The following ZNF10 variants were observed in gnomAD, a reference collection of about 807,000 sequenced individuals.
The protein encoded by ZNF10 is zinc finger protein 10 (KOX 1).
In ZNF10, 8 loss-of-function variants were observed where a neutral mutation model predicts 12.2. That is an observed-to-expected ratio of 0.66 (90% CI 0.39 to 1.18). The LOEUF (loss-of-function observed/expected upper bound fraction) is 1.18. ZNF10 is among the 50% of genes most tolerant of loss of function. The pLI is 0.01. For synonymous variants in ZNF10, 229 were observed against 228.2 expected, an observed-to-expected ratio of 1.00 and a Z score of -0.03; for missense variants, 603 against 678.9, an observed-to-expected ratio of 0.89 and a Z score of 1.24.
Position 133,156,893 on chromosome 12 carries a change from A to G in ZNF10, c.1647A>G (p.Gln549=), listed in dbSNP as rs377421116. The change falls in exon 5 of 5, where the codon CAA becomes CAG. Residue 549 remains glutamine (Q), a synonymous_variant. Transcript: ENST00000248211. ...GAGAGCAGTTCTTAACATGCAATCA[A>G]TGTGGGACAGCGCTTGTTAATACCT... ...HTGEQFLTCN[Q]CGTALVNTSN... 1.3e-4 allele frequency: 196 copies of G among 1,515,058 alleles called. No individual in the cohort carries two copies. The highest frequency in any genetic ancestry group is 3.0e-4 in the South Asian group (22 of 73,764). The allele number at this position is 1,515,058 out of a possible 1,614,324, so 93.9% of individuals were successfully genotyped here.
At chr12:133,136,044 T>G (rs564312075) in intron 1 of ZNF10, among the ~76,000 whole-genome samples, 1 of 152,244 alleles carries the variant, frequency 6.6e-6, no homozygotes, top group Non-Finnish European at 1.5e-5. Flanking sequence ...AGCCTTGCTT[T>G]CTTTTTTGAC....
chr12:133,156,039 T>A lies in ZNF10; in HGVS notation c.793T>A (p.Tyr265Asn), dbSNP rs1407156653. 2 of 1,613,528 alleles carry A rather than the reference T, an allele frequency of 1.2e-6. No homozygotes were observed. The highest frequency in any genetic ancestry group is 1.7e-6 in the Non-Finnish European group (2 of 1,179,984). Residue 265 changes from tyrosine to asparagine, a missense_variant, in exon 5 of 5, where the codon TAT becomes AAT. Tyr to Asn is a moderately radical substitution (Grantham distance 143, BLOSUM62 -2). Transcript: ENST00000248211. ...AAAGGGCATACATAGAGAGAAACCC[T>A]ATGAATGTAAGGAATGTGGAAAATT... is the stretch of plus-strand genomic sequence containing the variant. ...ISKGIHREKP[Y>N]ECKECGKFFS... is the part of the protein sequence containing the mutation.
chr12:133,142,000 A>C (rs746555077), intron 1 of ZNF10, among the ~76,000 whole-genome samples: 1 of 152,242 alleles, frequency 6.6e-6, no homozygotes, highest in African/African-American at 2.4e-5. Context: ...ACCAGAAATA[A>C]GACATCTAAG....
rs1955887762 is a variant in ZNF10, at chr12:133,132,673, G to A, written c.-60+1919G>A. ...TCTTCTGGCTATGAAGCAAGGTTGG[G>A]ACAAGATATGATATAGGCCACCTTT... On this transcript the variant is annotated intron_variant, in intron 1 of 4. Transcript: ENST00000248211. Among the ~76,000 whole-genome samples the A allele has an allele frequency of 2.0e-5, 3 of 152,164 alleles. No individual in the cohort carries two copies. The South Asian group carries it at 6.2e-4, about 32-fold the overall frequency.
At chr12:133,143,158 C>T (rs529372993) in intron 1 of ZNF10, among the ~76,000 whole-genome samples, 1 of 152,038 alleles carries the variant, frequency 6.6e-6, no homozygotes, top group South Asian at 2.1e-4. Flanking sequence ...AGAGACAGAA[C>T]GTAGATTAGG....
At chr12:133,151,622 A>G (rs1469143519) in intron 3 of ZNF10, among the ~76,000 whole-genome samples, 187 bp from the exon 4 acceptor site, 1 of 152,154 alleles carries the variant, frequency 6.6e-6, no homozygotes, top group Non-Finnish European at 1.5e-5. Flanking sequence ...CCAGCCTGGC[A>G]ACAGAGAGAG....
intron 2 of ZNF10, among the ~76,000 whole-genome samples, chr12:133,145,644 A>G (rs1047454485): frequency 1.6e-5 from 2 of 128,722 alleles, no homozygotes; most frequent in African/African-American, 6.4e-5. Context: ...CCCTGTCTCT[A>G]CTGAAAATAC....
intron 1 of ZNF10, among the ~76,000 whole-genome samples, chr12:133,137,261 A>G (rs538117782): frequency 6.6e-6 from 1 of 152,246 alleles, no homozygotes; most frequent in Non-Finnish European, 1.5e-5. Context: ...CTAGTCCATT[A>G]CACAGCTACC....
chr12:133,138,457 T>C (rs1955925204), intron 1 of ZNF10, among the ~76,000 whole-genome samples: 1 of 151,880 alleles, frequency 6.6e-6, no homozygotes, highest in South Asian at 2.1e-4. Flanking sequence ...GAGGATCACT[T>C]GAGCCCAGGA....
Position 133,156,031 on chromosome 12 carries a change from A to C in ZNF10, c.785A>C (p.Glu262Ala). 6.2e-7 allele frequency: 1 copy of C among 1,613,790 alleles called. No homozygotes were observed. The highest frequency in any genetic ancestry group is 8.5e-7 in the Non-Finnish European group (1 of 1,179,986). Reference sequence around the variant, plus strand: ...GGTATATCAAAGGGCATACATAGAGAGAAACCCTATGAATGTAAGGAATGT... The same window carrying C: ...GGTATATCAAAGGGCATACATAGAGCGAAACCCTATGAATGTAAGGAATGT... The part of the protein sequence containing the change: ...SLGISKGIHR[E>A]KPYECKECGK... Residue 262 changes from glutamate to alanine, a missense_variant, in exon 5 of 5, where the codon GAG becomes GCG. Transcript: ENST00000248211.
chr12:133,151,361 T>C (rs1478708933), intron 3 of ZNF10, among the ~76,000 whole-genome samples: 1 of 152,114 alleles, frequency 6.6e-6, no homozygotes, highest in African/African-American at 2.4e-5. Context: ...TAAGGAGTTT[T>C]CTGGCTGGGC....
rs1412701745 is a variant in ZNF10, at chr12:133,144,471, TATC to T, written c.-17_-15del. The T allele has an allele frequency of 5.6e-6, 9 of 1,613,504 alleles. No individual in the cohort carries two copies. Among genetic ancestry groups the T allele is most frequent in the East Asian group, 2.2e-5 (1 of 44,856 alleles). Reference sequence around the variant, plus strand: ...AGCACTCTGCTGTCACTCAAGGAAGTATCATCAAGAACAAGGAGGGCATGGATG... The same window carrying T: ...AGCACTCTGCTGTCACTCAAGGAAGTATCAAGAACAAGGAGGGCATGGATG... On this transcript the variant is annotated 5_prime_UTR_variant, in exon 2 of 5. Coordinates refer to ENST00000248211, the MANE Select transcript of ZNF10 (RefSeq NM_015394.5).
At chr12:133,135,308 C>G (rs1417362935) in intron 1 of ZNF10, among the ~76,000 whole-genome samples, 3 of 152,136 alleles carry the variant, frequency 2.0e-5, no homozygotes. Flanking sequence ...AAGTTGGGCT[C>G]CAAACTCTGC....
chr12:133,156,810 T>A lies in ZNF10; in HGVS notation c.1564T>A (p.Cys522Ser), dbSNP rs768143588. Residue 522 changes from cysteine (C) to serine (S), a missense_variant, in exon 5 of 5, where the codon TGT becomes AGT. Cys to Ser is a moderately radical substitution (Grantham distance 112). Transcript: ENST00000248211. Reference sequence around the variant, plus strand: ...AGAAGAGACCTATAAATGTAATCAATGTGGCATTATCTTCAGCCAGAACTC... The same window carrying A: ...AGAAGAGACCTATAAATGTAATCAAAGTGGCATTATCTTCAGCCAGAACTC... ...VGEETYKCNQCGIIFSQNSPF... is the reference protein window; with the variant it reads ...VGEETYKCNQSGIIFSQNSPF... 1 of 1,552,656 alleles carries A rather than the reference T, an allele frequency of 6.4e-7. No individual in the cohort carries two copies. Among genetic ancestry groups the A allele is most frequent in the Non-Finnish European group, 8.7e-7 (1 of 1,152,704 alleles).
chr12:133,153,237 A>G (rs1379879426), intron 4 of ZNF10, among the ~76,000 whole-genome samples: 1 of 152,180 alleles, frequency 6.6e-6, no homozygotes, highest in African/African-American at 2.4e-5. Flanking sequence ...TACAGAATCT[A>G]CAAGGCTGTT....
At chr12:133,141,381 G>C (rs570838424) in intron 1 of ZNF10, among the ~76,000 whole-genome samples, 1 of 151,952 alleles carries the variant, frequency 6.6e-6, no homozygotes, top group Admixed American at 6.6e-5. Context: ...TAGTGAGGAC[G>C]GTAATAATGA....
chr12:133,134,434 G>T (rs1350236386), intron 1 of ZNF10, among the ~76,000 whole-genome samples: 1 of 152,188 alleles, frequency 6.6e-6, no homozygotes, highest in Non-Finnish European at 1.5e-5. Flanking sequence ...CAGGAGCCAA[G>T]GAGTGTAGAT....
intron 1 of ZNF10, among the ~76,000 whole-genome samples, chr12:133,131,446 C>T (rs979625789): frequency 8.6e-5 from 13 of 151,570 alleles, no homozygotes; most frequent in Non-Finnish European, 1.9e-4. Flanking sequence ...ATTTCAATTC[C>T]AGCTATACAT....
chr12:133,155,835 C>T lies in ZNF10; in HGVS notation c.589C>T (p.His197Tyr), dbSNP rs1956036653. The change falls in exon 5 of 5, where the codon CAT becomes TAT. Residue 197 changes from histidine (H) to tyrosine (Y), a missense_variant. His to Tyr is a moderately conservative substitution (Grantham distance 83). This residue lies in a region of ZNF10 where 393 missense variants were observed against 399.7 expected (regional missense o/e 0.98). Coordinates refer to ENST00000248211, the MANE Select transcript of ZNF10 (RefSeq NM_015394.5). The stretch of plus-strand genomic sequence containing the variant: ...TGACTCACATACTAAAAGTTTAAAA[C>T]ATGATTTAGTTCTTAATGGTCATCA... Reference protein sequence around the residue: ...KRDSHTKSLKHDLVLNGHQDS... With the variant: ...KRDSHTKSLKYDLVLNGHQDS... 1 of 1,613,508 alleles carries T rather than the reference C, an allele frequency of 6.2e-7. No individual in the cohort carries two copies. The highest frequency in any genetic ancestry group is 1.7e-5 in the Admixed American group (1 of 59,940).
Sources: gnomAD v4.1 joint callset for allele counts (sites outside exome capture counted in the v4.1 genomes callset) on GRCh38, gnomAD v4.1.1 for gene constraint, gnomAD v4.1.1 regional missense constraint, MANE v1.5 for transcripts, NCBI Gene and HGNC (gene_info 2026-07-23, HGNC 2026-07-21) for gene names.